The following MAN2B1 variants were observed in gnomAD, a reference collection of about 807,000 sequenced individuals.
MAN2B1 encodes the protein lysosomal alpha-mannosidase.
In MAN2B1, 99 loss-of-function variants were observed where a neutral mutation model predicts 127.5. The ratio of observed to expected loss-of-function variants is 0.78; its 90% CI spans 0.66 to 0.92. The LOEUF (loss-of-function observed/expected upper bound fraction) is 0.92. MAN2B1 is among the 40% of genes least tolerant of loss of function. The probability of loss-of-function intolerance (pLI) is 0.00; values close to 1 mark genes in which losing one functional copy is unlikely to be tolerated. For synonymous variants in MAN2B1, 573 were observed against 568.8 expected (o/e 1.01, Z -0.11); for missense variants, 1,304 against 1,384.8 (o/e 0.94, Z 0.93).
rs768516728 is a variant in MAN2B1, at chr19:12,663,450, T to C, written c.776A>G (p.Asn259Ser). ...TADLFTGVLP[N>S]GYNPPRNLCW... Reference sequence around the variant, plus strand: ...CAGATTCCTTGGCGGGTTGTAACCATTGGGAAGCACACCTGCAGGTCACAC... The same window carrying C: ...CAGATTCCTTGGCGGGTTGTAACCACTGGGAAGCACACCTGCAGGTCACAC... The change falls in exon 6 of 24, where the codon AAT (asparagine) becomes AGT (serine). Residue 259 changes from asparagine to serine, a missense_variant. Coordinates refer to ENST00000456935, the MANE Select transcript of MAN2B1 (RefSeq NM_000528.4). 5 of 1,613,900 alleles carry C rather than the reference T, an allele frequency of 3.1e-6. No individual in the cohort carries two copies. The highest frequency in any genetic ancestry group is 1.7e-5 in the Admixed American group (1 of 59,984).
In MAN2B1 at chr19:12,646,881, C is replaced by T. The variant is rs555097917; in HGVS notation, c.2924-149G>A. The T allele has an allele frequency of 2.4e-5, 16 of 657,114 alleles. 1 individual carries two copies. The highest frequency in any genetic ancestry group is 8.2e-4 in the Middle Eastern group (2 of 2,452). 40.7% of individuals were successfully genotyped at this position (657,114 alleles called of 1,614,324 possible). ...ATCCCAGACTCTTAACCTGCTTCCC[C>T]GGCCCCGAATACCACCCCCAGGTCC... On this transcript the variant is annotated intron_variant, in intron 23 of 23. Transcript: ENST00000456935.
Position 12,655,694 on chromosome 19 carries a change from C to T in MAN2B1, c.1830G>A (p.Glu610=). The part of the protein sequence containing the change: ...SWSPALTIEN[E]HIRATFDPDT... Reference sequence around the variant, plus strand: ...AAAGGGGATTGAAATGGGGTCTCACCTCATTTTCGATGGTTAAAGCAGGGG... The same window carrying T: ...AAAGGGGATTGAAATGGGGTCTCACTTCATTTTCGATGGTTAAAGCAGGGG... The change falls in exon 14 of 24, where the codon GAG becomes GAA. Residue 610 remains glutamate (E), a splice_region_variant and synonymous_variant. Coordinates refer to ENST00000456935, the MANE Select transcript of MAN2B1 (RefSeq NM_000528.4). 6.2e-7 allele frequency: 1 copy of T among 1,608,900 alleles called. No individual in the cohort carries two copies. Among genetic ancestry groups the T allele is most frequent in the Non-Finnish European group, 8.5e-7 (1 of 1,176,640 alleles).
intron 5 of MAN2B1, 52 bp downstream of exon 5, chr19:12,663,626 ACAGAGCAGATATCAAGCCCAGGGCC>A: frequency 1.3e-6 from 2 of 1,553,636 alleles, no homozygotes; most frequent in Non-Finnish European, 1.7e-6. Flanking sequence ...GACAGTGACA[ACAGAGCAGATATCAAGCCCAGGGCC>A]CTTCTGAGTG....
chr19:12,647,393 CCCTCTCTCTTG>C lies in MAN2B1; in HGVS notation c.2820+39_2820+49del. 6.2e-7 allele frequency: 1 copy of C among 1,612,338 alleles called. No homozygotes were observed. Among genetic ancestry groups the C allele is most frequent in the South Asian group, 1.1e-5 (1 of 91,032 alleles). On this transcript the variant is annotated intron_variant, in intron 22 of 23. Coordinates refer to ENST00000456935, the MANE Select transcript of MAN2B1 (RefSeq NM_000528.4). This position sits in a 1 kb window ranked among gnomAD's most constrained non-coding sequence, Gnocchi z 4.9. ...GGGCAAAGCCAGGTTTCTCTTCTCT[CCCTCTCTCTTG>C]CCTCTCTCCGATCTCCTTCTCAATT...
At chr19:12,658,905 G>A (rs2024039327) in intron 7 of MAN2B1, 2 of 331,962 alleles carry the variant, frequency 6.0e-6, no homozygotes, top group Non-Finnish European at 1.2e-5. Flanking sequence ...TGCCCAGGCT[G>A]TAGTGCAGTG....
At chr19:12,650,506 C>T (rs567235213) in intron 16 of MAN2B1, among the ~76,000 whole-genome samples, 2 of 146,720 alleles carry the variant, frequency 1.4e-5, no homozygotes, top group South Asian at 2.2e-4. Flanking sequence ...CTACAGGCAC[C>T]CGCCACCACA....
At position 12,655,756 on chromosome 19, in the gene MAN2B1, C is replaced by T. The variant is rs1331597523; in HGVS notation, c.1768G>A (p.Ala590Thr). ...VAQVPRWKPQ[A>T]RAPQPIPRRS... Reference sequence around the variant, plus strand: ...CTGGGGATGGGCTGTGGTGCGCGGGCCTGGGGCTTCCAGCGAGGCACCTGG... The same window carrying T: ...CTGGGGATGGGCTGTGGTGCGCGGGTCTGGGGCTTCCAGCGAGGCACCTGG... Residue 590 changes from alanine (A) to threonine (T), a missense_variant, in exon 14 of 24, where the codon GCC (alanine) becomes ACC (threonine). By Grantham distance (58) the Ala-to-Thr change is moderately conservative. Coordinates refer to ENST00000456935, the MANE Select transcript of MAN2B1 (RefSeq NM_000528.4). 6.2e-7 allele frequency: 1 copy of T among 1,609,128 alleles called. No individual in the cohort carries two copies.
chr19:12,656,151 G>A (rs2023950391), intron 13 of MAN2B1: 5 of 467,328 alleles, frequency 1.1e-5, no homozygotes, highest in Non-Finnish European at 1.9e-5. Flanking sequence ...GGTTCTCGGG[G>A]GAGGAAGAGG....
chr19:12,647,638 G>A lies in MAN2B1; in HGVS notation c.2665-40C>T. The A allele has an allele frequency of 6.3e-7, 1 of 1,584,604 alleles. No homozygotes were observed. Among genetic ancestry groups the A allele is most frequent in the Non-Finnish European group, 8.6e-7 (1 of 1,163,778 alleles). On this transcript the variant is annotated intron_variant, in intron 21 of 23. Coordinates refer to ENST00000456935, the MANE Select transcript of MAN2B1 (RefSeq NM_000528.4). The surrounding 1 kb of genome is among the most constrained non-coding windows in gnomAD (Gnocchi z 4.9). Reference sequence around the variant, plus strand: ...GCGGGGCTGAGTTGGAGAGGGGCGGGGCCTGGATGGAGAAGGGCGGGGCCG... The same window carrying A: ...GCGGGGCTGAGTTGGAGAGGGGCGGAGCCTGGATGGAGAAGGGCGGGGCCG...
chr19:12,657,351 C>G (rs1210345608), intron 11 of MAN2B1, 95 bp downstream of exon 11: 2 of 1,174,600 alleles, frequency 1.7e-6, no homozygotes. Context: ...GGGCTCTCGG[C>G]TACGCCTCAC....
At position 12,657,033 on chromosome 19, in the gene MAN2B1, C is replaced by T. The variant is rs2145254460; in HGVS notation, c.1443G>A (p.Ala481=). The change falls in exon 12 of 24, where the codon GCG becomes GCA. Residue 481 remains alanine (A), a synonymous_variant. Coordinates refer to ENST00000456935, the MANE Select transcript of MAN2B1 (RefSeq NM_000528.4). The stretch of plus-strand genomic sequence containing the variant: ...AGTGATCTTTGAAGCCTCTGAGCCG[C>T]GCCAGCGCGTTGCTCAGAAGAACCT... ...PCEVLLSNAL[A]RLRGFKDHFT... is the part of the protein sequence containing the mutation. The T allele has an allele frequency of 6.2e-7, 1 of 1,612,302 alleles. No individual in the cohort carries two copies. Among genetic ancestry groups the T allele is most frequent in the Non-Finnish European group, 8.5e-7 (1 of 1,179,598 alleles).
chr19:12,664,675 AG>A, intron 4 of MAN2B1, 116 bp downstream of exon 4: 1 of 1,108,574 alleles, frequency 9.0e-7, no homozygotes. Context: ...GGGCTTCAAC[AG>A]GCCTAGGCCT....
chr19:12,648,101 G>C, intron 21 of MAN2B1, 74 bp downstream of exon 21: 1 of 1,405,094 alleles, frequency 7.1e-7, no homozygotes, highest in Non-Finnish European at 9.7e-7. Context: ...CTGAGCCTAG[G>C]AAACTCCGCA....
intron 16 of MAN2B1, among the ~76,000 whole-genome samples, chr19:12,651,949 G>A (rs2023847611): frequency 6.6e-6 from 1 of 152,320 alleles, no homozygotes; most frequent in Non-Finnish European, 1.5e-5. Flanking sequence ...GTCCTATGGG[G>A]AGACTCTCAT....
chr19:12,650,291 C>G, intron 16 of MAN2B1, 69 bp from the exon 17 acceptor site: 1 of 954,210 alleles, frequency 1.0e-6, no homozygotes, highest in Non-Finnish European at 1.7e-6. Flanking sequence ...AAATGTCCCC[C>G]AACCCTGGCC....
chr19:12,650,340 G>A, intron 16 of MAN2B1, 118 bp from the exon 17 acceptor site: 1 of 718,542 alleles, frequency 1.4e-6, no homozygotes, highest in East Asian at 2.6e-5. Context: ...TCAACCTTCA[G>A]TCACCGCCAC....
At position 12,647,614 on chromosome 19, in the gene MAN2B1, CG is replaced by C. The variant is rs764857421; in HGVS notation, c.2665-17del. 7.4e-7 allele frequency: 1 copy of C among 1,342,304 alleles called. No individual in the cohort carries two copies. Among genetic ancestry groups the C allele is most frequent in the Non-Finnish European group, 1.0e-6 (1 of 989,836 alleles). 83.1% of individuals were successfully genotyped at this position (1,342,304 alleles called of 1,614,324 possible). On this transcript the variant is annotated splice_polypyrimidine_tract_variant and intron_variant, in intron 21 of 23. Coordinates refer to ENST00000456935, the MANE Select transcript of MAN2B1 (RefSeq NM_000528.4). The surrounding 1 kb of genome is among the most constrained non-coding windows in gnomAD (Gnocchi z 4.9). The stretch of plus-strand genomic sequence containing the variant: ...GCCCTGAGAACTGCGGGAGAGAGGG[CG>C]GGGCTGAGTTGGAGAGGGGCGGGGC...
rs1347363395 is a variant in MAN2B1 at position 12,655,685 on chromosome 19, G to T, written c.1830+9C>A. The T allele has an allele frequency of 6.2e-7, 1 of 1,606,714 alleles. No homozygotes were observed. On this transcript the variant is annotated intron_variant, in intron 14 of 23. Transcript: ENST00000456935. ...AGGAGCAGGAAAGGGGATTGAAATG[G>T]GGTCTCACCTCATTTTCGATGGTTA...
chr19:12,661,096 T>C (rs2024091412), intron 7 of MAN2B1, 164 bp downstream of exon 7: 1 of 646,794 alleles, frequency 1.5e-6, no homozygotes, highest in African/African-American at 1.8e-5. Context: ...TAAGACAATG[T>C]ATTTCTGTTG....
Sources: gnomAD v4.1 joint callset for allele counts (sites outside exome capture counted in the v4.1 genomes callset) on GRCh38, gnomAD v4.1.1 for gene constraint, Gnocchi (gnomAD v3.1) non-coding constraint, MANE v1.5 for transcripts, NCBI Gene and HGNC (gene_info 2026-07-23, HGNC 2026-07-21) for gene names.